The following SPATA1 variants were observed in gnomAD, a reference collection of about 807,000 sequenced individuals.
SPATA1 encodes spermatogenesis-associated protein 1.
Under a neutral mutation model 59.6 loss-of-function variants are expected in SPATA1, and 57 were observed. The ratio of observed to expected loss-of-function variants is 0.96; its 90% CI spans 0.77 to 1.19. SPATA1 has a LOEUF of 1.19. Ranked by LOEUF, SPATA1 falls within the 50% of genes most tolerant of loss-of-function variation. The pLI, the probability that SPATA1 is intolerant of heterozygous loss-of-function variation, is 0.00. For missense variants in SPATA1, 448 were observed against 480.7 expected (o/e 0.93, Z 0.64); for synonymous variants, 147 against 163.9 (o/e 0.90, Z 0.79).
chr1:84,548,788 T>G, exon 11 of SPATA1: 3 of 600,860 alleles, frequency 5.0e-6, no homozygotes, highest in Non-Finnish European at 7.3e-6. Context: ...TTTTATAGCC[T>G]ACAATGGTTG....
chr1:84,525,888 T>G lies in SPATA1; in HGVS notation c.359T>G (p.Leu120Ter). 6.2e-6 allele frequency: 10 copies of G among 1,613,664 alleles called. No individual in the cohort carries two copies. The highest frequency in any genetic ancestry group is 7.6e-6 in the Non-Finnish European group (9 of 1,179,734). Residue 120 changes from leucine to a stop codon, truncating the protein, a stop_gained, in exon 6 of 13, where the codon TTA (leucine) becomes TGA (stop). Coordinates refer to ENST00000490879, the Ensembl canonical transcript of SPATA1. LOFTEE classifies it high-confidence loss of function. ...TATTTGCTTCCTGTAATGGACCATTTAGGAAATGTTTATTCACCATCAACA... is the reference window on the plus strand; with the variant it reads ...TATTTGCTTCCTGTAATGGACCATTGAGGAAATGTTTATTCACCATCAACA...
At chr1:84,549,093 C>A in intron 11 of SPATA1, 129 bp downstream of exon 11, 2 of 908,854 alleles carry the variant, frequency 2.2e-6, no homozygotes, top group Non-Finnish European at 3.1e-6. Context: ...AATAAAAAAA[C>A]TCATGACCTT....
chr1:84,552,306 C>T (rs1684297878), intron 12 of SPATA1: 1 of 152,166 alleles, frequency 6.6e-6, no homozygotes, highest in African/African-American at 2.4e-5. Flanking sequence ...AATGCAGGAT[C>T]TGACTCAGTA....
chr1:84,549,348 C>A (rs190264314), intron 11 of SPATA1, among the ~76,000 whole-genome samples: 24 of 152,204 alleles, frequency 1.6e-4, no homozygotes, highest in Admixed American at 8.5e-4. Flanking sequence ...ACTAGGCCTA[C>A]CCCTGGATGA....
downstream of SPATA1, among the ~76,000 whole-genome samples, chr1:84,555,517 A>T (rs1381842500): frequency 6.6e-6 from 1 of 152,228 alleles, no homozygotes; most frequent in Admixed American, 6.5e-5. Context: ...TTATTAGGAC[A>T]CAATACAATC....
chr1:84,558,477 G>A (rs1371687659), downstream of SPATA1, among the ~76,000 whole-genome samples: 1 of 151,370 alleles, frequency 6.6e-6, no homozygotes, highest in Non-Finnish European at 1.5e-5. Flanking sequence ...ATTTTTAGTA[G>A]AGACGGGGTT....
chr1:84,544,309 G>A lies in SPATA1; in HGVS notation c.820+5G>A. 6.5e-7 allele frequency: 1 copy of A among 1,547,626 alleles called. No homozygotes were observed. The highest frequency in any genetic ancestry group is 1.2e-5 in the South Asian group (1 of 84,468). ...TATCTTTATTACAAACTGAAAGTAAGTATAGTGCAATCGTAAGTACAGATG... is the reference window on the plus strand; with the variant it reads ...TATCTTTATTACAAACTGAAAGTAAATATAGTGCAATCGTAAGTACAGATG... On this transcript the variant is annotated splice_donor_5th_base_variant and intron_variant, in intron 9 of 12. Coordinates refer to ENST00000490879, the Ensembl canonical transcript of SPATA1.
At chr1:84,547,335 A>G (rs558609458) in intron 10 of SPATA1, among the ~76,000 whole-genome samples, 3 of 152,356 alleles carry the variant, frequency 2.0e-5, no homozygotes, top group Non-Finnish European at 4.4e-5. Context: ...CTATTTCAAC[A>G]GGAATATTTC....
In SPATA1 at chr1:84,545,773, C is replaced by T; in HGVS notation, c.946+14C>T. The T allele has an allele frequency of 6.8e-7, 1 of 1,475,748 alleles. No individual in the cohort carries two copies. Among genetic ancestry groups the T allele is most frequent in the African/African-American group, 1.5e-5 (1 of 68,272 alleles). The allele number at this position is 1,475,748 out of a possible 1,614,324, so 91.4% of individuals were successfully genotyped here. On this transcript the variant is annotated intron_variant, in intron 10 of 12. Coordinates refer to ENST00000490879, the Ensembl canonical transcript of SPATA1. ...AACGATATCATGGTAAAGTTTATTA[C>T]ATACCTTTTATCACTATAAAGAAAA... is the stretch of plus-strand genomic sequence containing the variant.
chr1:84,525,875 G>C (rs765178130), exon 6 of SPATA1: 9 of 1,613,284 alleles, frequency 5.6e-6, no homozygotes, highest in Middle Eastern at 3.3e-4. Context: ...TTTGCTTCCT[G>C]TAATGGACCA....
intron 7 of SPATA1, 97 bp from the exon 8 acceptor site, chr1:84,533,612 G>C: frequency 1.0e-6 from 1 of 967,366 alleles, no homozygotes; most frequent in Non-Finnish European, 1.6e-6. Context: ...TTCAATATTT[G>C]TGTTTACAGA....
intron 4 of SPATA1, chr1:84,563,818 T>C (rs1366895703): frequency 6.2e-7 from 1 of 1,607,136 alleles, no homozygotes; most frequent in Non-Finnish European, 8.5e-7. Flanking sequence ...CTCATCTTGA[T>C]GTAGTCATTA....
intron 1 of SPATA1, among the ~76,000 whole-genome samples, chr1:84,511,570 AAAC>A (rs2101910586): frequency 6.6e-6 from 1 of 152,076 alleles, no homozygotes; most frequent in Non-Finnish European, 1.5e-5. Context: ...CGTGTCTAGA[AAAC>A]AAACCTCATT....
intron 8 of SPATA1, among the ~76,000 whole-genome samples, chr1:84,534,194 ACC>A (rs1262508083): frequency 6.6e-6 from 1 of 152,072 alleles, no homozygotes; most frequent in African/African-American, 2.4e-5. Context: ...TGGATATGTT[ACC>A]CAATTTGAAT....
chr1:84,516,476 T>C (rs770956790), intron 2 of SPATA1, 81 bp downstream of exon 2: 239 of 808,950 alleles, frequency 3.0e-4, no homozygotes, highest in Non-Finnish European at 3.9e-4. Context: ...AGCAAAAACA[T>C]AGATTATATA....
chr1:84,556,789 T>C (rs1684445083), downstream of SPATA1, among the ~76,000 whole-genome samples: 1 of 151,714 alleles, frequency 6.6e-6, no homozygotes. Context: ...TATTTAAATA[T>C]GGTAGACTAA....
intron 3 of SPATA1, among the ~76,000 whole-genome samples, chr1:84,521,029 T>C (rs1194074866): frequency 6.6e-6 from 1 of 152,122 alleles, no homozygotes; most frequent in Non-Finnish European, 1.5e-5. Flanking sequence ...AGGATTTCTT[T>C]GAGGCCCAGA....
downstream of SPATA1, chr1:84,554,894 A>G: frequency 1.3e-6 from 1 of 798,684 alleles, no homozygotes; most frequent in Admixed American, 2.7e-5. Context: ...CTTTTTTTTT[A>G]GTATACGGAT....
At chr1:84,548,951 T>C in exon 11 of SPATA1, 1 of 1,585,016 alleles carries the variant, frequency 6.3e-7, no homozygotes, top group Non-Finnish European at 8.6e-7. Flanking sequence ...CTGGCAAACA[T>C]CACAGACTCC....
Sources: allele counts gnomAD v4.1 joint callset (sites outside exome capture counted in the v4.1 genomes callset), GRCh38; gene constraint gnomAD v4.1.1; transcripts MANE v1.5; gene names NCBI Gene and HGNC (gene_info 2026-07-23, HGNC 2026-07-21).